PPFIA4: variants seen among roughly 807,000 people sequenced by gnomAD.
PPFIA4 encodes the protein liprin-alpha-4.
In PPFIA4, 98 loss-of-function variants were observed where a neutral mutation model predicts 145.7. The observed-to-expected ratio is 0.67, with a 90% CI of 0.57 to 0.80. The LOEUF (loss-of-function observed/expected upper bound fraction) is 0.80. Among genes scored for constraint, PPFIA4 ranks in the 30% least tolerant of loss-of-function variants. The pLI is 0.00. For synonymous variants in PPFIA4, 628 were observed against 649.6 expected (o/e 0.97, Z 0.51); for missense variants, 1,457 against 1,632.7 (o/e 0.89, Z 1.85).
chr1:203,059,906 G>A (rs1661241656), intron 21 of PPFIA4, 55 bp downstream of exon 21: 2 of 1,404,198 alleles, frequency 1.4e-6, no homozygotes, highest in South Asian at 1.2e-5. Context: ...GATGCTTGGG[G>A]TGGGCAGAGG....
chr1:203,076,382 CG>C lies in PPFIA4; in HGVS notation c.3619del (p.Asp1207ThrfsTer21), dbSNP rs1558108461. 1 of 1,608,474 alleles carries C rather than the reference CG, an allele frequency of 6.2e-7. No homozygotes were observed. Among genetic ancestry groups the C allele is most frequent in the South Asian group, 1.1e-5 (1 of 91,084 alleles). On this transcript the variant is annotated frameshift_variant, in exon 30 of 30. Transcript: ENST00000295706. LOFTEE classifies it high-confidence loss of function. Reference protein sequence around the residue: ...YLYGHMLSAFRD With the variant: ...YLYGHMLSAFXD ...CTACGGACACATGCTCTCCGCCTTC[CG>C]GGACTAGCCATGGCCCCCAGGGCTG...
At chr1:203,049,528 C>A in intron 12 of PPFIA4, 148 bp from the exon 13 acceptor site, 1 of 644,956 alleles carries the variant, frequency 1.6e-6, no homozygotes, top group Non-Finnish European at 2.5e-6. Flanking sequence ...GTGGGCCTGG[C>A]CTGGGGCCCC....
chr1:203,044,480 G>T, intron 5 of PPFIA4, 27 bp downstream of exon 5: 1 of 1,545,244 alleles, frequency 6.5e-7, no homozygotes, highest in South Asian at 1.2e-5. Flanking sequence ...CCCTCAGTCT[G>T]CAGCTCCTGG....
chr1:203,050,240 C>T (rs576578711), intron 13 of PPFIA4, among the ~76,000 whole-genome samples: 15 of 152,302 alleles, frequency 9.8e-5, no homozygotes, highest in South Asian at 2.1e-4. Context: ...GAAGTTGAGA[C>T]GCCATGGCAA....
chr1:203,043,276 T>G lies in PPFIA4; in HGVS notation c.235-121T>G. 2.4e-5 allele frequency: 19 copies of G among 800,562 alleles called. No individual in the cohort carries two copies. The highest frequency in any genetic ancestry group is 5.4e-5 in the East Asian group (2 of 36,722). The allele number at this position is 800,562 out of a possible 1,614,324, so 49.6% of individuals were successfully genotyped here. On this transcript the variant is annotated intron_variant, in intron 2 of 29. Transcript: ENST00000295706. The surrounding 1 kb of genome is among the most constrained non-coding windows in gnomAD (Gnocchi z 4.4). ...GACCTGCAGTGTGGATGGATTGGGATTTTGTGGGGGAGGTGGTGGAAGTAA... is the reference window on the plus strand; with the variant it reads ...GACCTGCAGTGTGGATGGATTGGGAGTTTGTGGGGGAGGTGGTGGAAGTAA...
intron 2 of PPFIA4, among the ~76,000 whole-genome samples, chr1:203,041,303 ATTTGTAGGCTGG>A (rs1413498721): frequency 6.6e-6 from 1 of 152,214 alleles, no homozygotes; most frequent in Non-Finnish European, 1.5e-5. Context: ...AGAAGTTTGT[ATTTGTAGGCTGG>A]GTGCAGTGCC....
intron 19 of PPFIA4, among the ~76,000 whole-genome samples, chr1:203,057,823 C>A (rs950834836): frequency 6.6e-6 from 1 of 152,170 alleles, no homozygotes; most frequent in African/African-American, 2.4e-5. Flanking sequence ...GGTAGCGACA[C>A]CTGAGCTAAA....
In PPFIA4 at chr1:203,055,929, T is replaced by C. The variant is rs953591950; in HGVS notation, c.2071-191T>C. On this transcript the variant is annotated intron_variant, in intron 16 of 29. Transcript: ENST00000295706. This position sits in a 1 kb window ranked among gnomAD's most constrained non-coding sequence, Gnocchi z 4.8. The stretch of plus-strand genomic sequence containing the variant: ...CCCACTGCCCTCACCTCTTCCTTTC[T>C]TCCAGAGAAATAAGCCCTGGCTTGT... 6.6e-6 allele frequency among the ~76,000 whole-genome samples: 1 copy of C among 151,780 alleles called. No homozygotes were observed. Among genetic ancestry groups the C allele is most frequent in the South Asian group, 2.1e-4 (1 of 4,824 alleles).
intron 25 of PPFIA4, 148 bp downstream of exon 25, chr1:203,064,151 G>A: frequency 1.2e-6 from 1 of 816,016 alleles, no homozygotes; most frequent in Non-Finnish European, 1.8e-6. Context: ...AGTCTCCCTT[G>A]TCAAATCCTT....
intron 28 of PPFIA4, among the ~76,000 whole-genome samples, chr1:203,073,275 C>T (rs1054797168): frequency 1.1e-4 from 16 of 152,164 alleles, no homozygotes; most frequent in African/African-American, 2.9e-4. Context: ...GAAGCAGATG[C>T]GAGTCTGATT....
At chr1:203,040,828 T>C (rs1018001592) in intron 2 of PPFIA4, among the ~76,000 whole-genome samples, 15 of 152,206 alleles carry the variant, frequency 9.9e-5, no homozygotes, top group Non-Finnish European at 5.9e-5. Context: ...TTCAAGATCA[T>C]ACAGCTAACA....
chr1:203,073,814 C>T (rs954218678), intron 28 of PPFIA4, among the ~76,000 whole-genome samples: 1 of 151,684 alleles, frequency 6.6e-6, no homozygotes, highest in Non-Finnish European at 1.5e-5. Context: ...AAGGGGAAGG[C>T]GGGAGAGAGA....
In PPFIA4 at chr1:203,039,017, G is replaced by C. The variant is rs755935650; in HGVS notation, c.9G>C (p.Glu3Asp). Residue 3 changes from glutamate to aspartate, a missense_variant, in exon 2 of 30, where the codon GAG becomes GAC. By Grantham distance (45) the Glu-to-Asp change is conservative. Coordinates refer to ENST00000295706, the MANE Select transcript of PPFIA4 (RefSeq NM_001304331.2). MCEVMPTINEGDR... is the reference protein window; with the variant it reads MCDVMPTINEGDR... The stretch of plus-strand genomic sequence containing the variant: ...CCCTGCCAACCCCCACCATGTGTGA[G>C]GTGATGCCCACAATCAATGAGGGGG... 4.6e-6 allele frequency: 7 copies of C among 1,536,716 alleles called. No individual in the cohort carries two copies. The highest frequency in any genetic ancestry group is 3.4e-4 in the Middle Eastern group (2 of 5,816).
intron 1 of PPFIA4, among the ~76,000 whole-genome samples, chr1:203,037,387 A>G (rs1659360072): frequency 6.6e-6 from 1 of 152,102 alleles, no homozygotes; most frequent in Non-Finnish European, 1.5e-5. Context: ...CTCCCATAAG[A>G]TAAGAGAGAG....
chr1:203,036,189 C>A (rs1443889160), intron 1 of PPFIA4, among the ~76,000 whole-genome samples: 2 of 152,218 alleles, frequency 1.3e-5, no homozygotes, highest in Non-Finnish European at 2.9e-5. Context: ...CGTGCAATCA[C>A]AGGGTGCTTT....
rs780895208 is a variant in PPFIA4, at chr1:203,051,771, C to T, written c.1514C>T (p.Ser505Leu). 5 of 1,611,264 alleles carry T rather than the reference C, an allele frequency of 3.1e-6. No individual in the cohort carries two copies. Among genetic ancestry groups the T allele is most frequent in the Admixed American group, 1.7e-5 (1 of 59,594 alleles). The change falls in exon 14 of 30, where the codon TCG becomes TTG. Residue 505 changes from serine to leucine, a missense_variant and splice_region_variant. Around this residue, in one of 3 missense-constraint regions of PPFIA4, gnomAD observed 848 missense variants for 1,046.7 expected, o/e 0.81. Coordinates refer to ENST00000295706, the MANE Select transcript of PPFIA4 (RefSeq NM_001304331.2). ...TCTCTCCCCCATCACCGCTCAAGGT[C>T]GCACATGGGCAGTGCAGCAGACGTG... ...GPFVDGVHSR[S>L]HMGSAADVRF...
chr1:203,043,604 G>T lies in PPFIA4; in HGVS notation c.336+106G>T. 9.6e-7 allele frequency: 1 copy of T among 1,039,114 alleles called. No individual in the cohort carries two copies. The highest frequency in any genetic ancestry group is 1.4e-6 in the Non-Finnish European group (1 of 691,806). The allele number at this position is 1,039,114 out of a possible 1,614,324, so 64.4% of individuals were successfully genotyped here. A position where few individuals can be genotyped will look rare whatever the true frequency, so the allele number is the denominator to read the frequency against. ...AGAGAGCAGGCAAGAGTGGGGCCAG[G>T]CACAGTCCTAGCTCAAGCCCCATCC... On this transcript the variant is annotated intron_variant, in intron 3 of 29. Transcript: ENST00000295706. The surrounding 1 kb of genome is among the most constrained non-coding windows in gnomAD (Gnocchi z 4.4).
Position 203,056,818 on chromosome 1 carries a change from A to G in PPFIA4, c.2275A>G (p.Ser759Gly), listed in dbSNP as rs1241188896. 6.2e-7 allele frequency: 1 copy of G among 1,613,654 alleles called. No individual in the cohort carries two copies. The highest frequency in any genetic ancestry group is 2.2e-5 in the East Asian group (1 of 44,886). Reference protein sequence around the residue: ...LEDQGSNPSSSNSSQDSLHKG... With the variant: ...LEDQGSNPSSGNSSQDSLHKG... ...GGATCAGGGCAGCAACCCCAGCAGC[A>G]GCAACAGCAGCCAGGACTCCCTGCA... Residue 759 changes from serine (S) to glycine (G), a missense_variant, in exon 19 of 30, where the codon AGC becomes GGC. Transcript: ENST00000295706.
intron 15 of PPFIA4, 102 bp downstream of exon 15, chr1:203,054,063 A>G: frequency 3.9e-6 from 5 of 1,278,832 alleles, no homozygotes; most frequent in Non-Finnish European, 5.5e-6. Context: ...TATAGCTGCA[A>G]CTTAGAGTAC....
Sources: allele counts gnomAD v4.1 joint callset (sites outside exome capture counted in the v4.1 genomes callset), GRCh38; gene constraint gnomAD v4.1.1; regional missense constraint gnomAD v4.1.1; non-coding constraint Gnocchi (gnomAD v3.1); transcripts MANE v1.5; gene names NCBI Gene and HGNC (gene_info 2026-07-23, HGNC 2026-07-21).